LIN54: variants seen among roughly 807,000 people sequenced by gnomAD.
LIN54 encodes the protein lin-54 DREAM MuvB core complex component.
Under a neutral mutation model 78.7 loss-of-function variants are expected in LIN54, and 9 were observed. The observed-to-expected ratio is 0.11, with a 90% CI of 0.07 to 0.20. LIN54 has a LOEUF of 0.20. LIN54 is among the 10% of genes least tolerant of loss of function. The pLI is 1.00. For missense variants in LIN54, 573 were observed against 889.9 expected (o/e 0.64, Z 4.53); for synonymous variants, 269 against 318.4 (o/e 0.84, Z 1.65).
At chr4:82,991,142 C>A (rs1160016194) in intron 1 of LIN54, among the ~76,000 whole-genome samples, 6 of 116,472 alleles carry the variant, frequency 5.2e-5, no homozygotes, top group Non-Finnish European at 1.0e-4. Context: ...ACAGTGACAG[C>A]CTGTCTCTTA....
chr4:83,001,935 G>GA lies in LIN54; in HGVS notation c.-33+8548dup, dbSNP rs1293999637. Among the ~76,000 whole-genome samples the GA allele has an allele frequency of 0.02, 102 of 5,050 alleles. 30 individuals carry two copies. The East Asian group carries it at 0.21, about 10-fold the overall frequency. 3.3% of individuals were successfully genotyped at this position (5,050 alleles called of 152,430 possible). A position where few individuals can be genotyped will look rare whatever the true frequency, so the allele number is the denominator to read the frequency against. On this transcript the variant is annotated intron_variant, in intron 1 of 12. Transcript: ENST00000340417. Reference sequence around the variant, plus strand: ...GGAGGGAGGGAGGGAGGGAGGGAAGGAAGGAAGGAAGGAAGGAAGGAAGGA... The same window carrying GA: ...GGAGGGAGGGAGGGAGGGAGGGAAGGAAAGGAAGGAAGGAAGGAAGGAAGGA...
At chr4:82,994,130 T>A (rs1727985955) in intron 1 of LIN54, among the ~76,000 whole-genome samples, 1 of 152,138 alleles carries the variant, frequency 6.6e-6, no homozygotes, top group South Asian at 2.1e-4. Flanking sequence ...ATTCCATTAA[T>A]TTCAATACGT....
At chr4:83,005,052 GC>G (rs1157332711) in intron 1 of LIN54, among the ~76,000 whole-genome samples, 1 of 151,896 alleles carries the variant, frequency 6.6e-6, no homozygotes, top group African/African-American at 2.4e-5. Context: ...CCACCACCAT[GC>G]CCGGTTCATG....
intron 2 of LIN54, among the ~76,000 whole-genome samples, chr4:82,982,417 A>G (rs1244070646): frequency 3.3e-5 from 5 of 152,084 alleles, no homozygotes; most frequent in Non-Finnish European, 5.9e-5. Flanking sequence ...TTTGGTAGAA[A>G]CAGGGTTTCA....
At chr4:83,003,015 C>CT (rs923378335) in intron 1 of LIN54, among the ~76,000 whole-genome samples, 7 of 151,830 alleles carry the variant, frequency 4.6e-5, no homozygotes, top group East Asian at 1.9e-4. Flanking sequence ...TAGATTTAAG[C>CT]TTTTTTTTGT....
intron 11 of LIN54, 95 bp from the exon 12 acceptor site, chr4:82,931,240 C>A: frequency 2.4e-6 from 2 of 837,570 alleles, no homozygotes; most frequent in East Asian, 5.0e-5. Context: ...ATAGCATTAC[C>A]TGGTCAACTG....
chr4:82,940,910 G>GA (rs1722806780), intron 5 of LIN54, among the ~76,000 whole-genome samples: 1 of 152,026 alleles, frequency 6.6e-6, no homozygotes, highest in African/African-American at 2.4e-5. Flanking sequence ...GTTAATTCTT[G>GA]AAAATTGATC....
intron 5 of LIN54, among the ~76,000 whole-genome samples, chr4:82,945,564 G>A (rs569507651): frequency 1.7e-4 from 26 of 152,126 alleles, no homozygotes; most frequent in African/African-American, 6.0e-4. Flanking sequence ...CATGATCTCA[G>A]CTCACTGCAA....
intron 1 of LIN54, among the ~76,000 whole-genome samples, chr4:82,999,075 T>C (rs1728510780): frequency 6.6e-6 from 1 of 152,232 alleles, no homozygotes; most frequent in Non-Finnish European, 1.5e-5. Context: ...AGCTCAAGTG[T>C]TGCCACTAAT....
At chr4:82,961,257 A>G (rs1724768436) in intron 4 of LIN54, among the ~76,000 whole-genome samples, 1 of 152,248 alleles carries the variant, frequency 6.6e-6, no homozygotes, top group African/African-American at 2.4e-5. Context: ...TAATGCAACT[A>G]CAGCCCAATG....
chr4:82,946,266 A>G lies in LIN54; in HGVS notation c.1160T>C (p.Leu387Pro). Residue 387 changes from leucine to proline, a missense_variant, in exon 5 of 13, where the codon CTT becomes CCT. Around this residue, in one of 6 missense-constraint regions of LIN54, gnomAD observed 199 missense variants for 260.9 expected, o/e 0.76. Coordinates refer to ENST00000340417, the MANE Select transcript of LIN54 (RefSeq NM_194282.4). ...AAAAAATGGTTACTAACCTTGCTGAAGAGGCTGAGTGTTTGTACTGGGATT... is the reference window on the plus strand; with the variant it reads ...AAAAAATGGTTACTAACCTTGCTGAGGAGGCTGAGTGTTTGTACTGGGATT... ...SQNPSTNTQPLQQAKPVVVNT... is the reference protein window; with the variant it reads ...SQNPSTNTQPPQQAKPVVVNT... 1 of 1,612,546 alleles carries G rather than the reference A, an allele frequency of 6.2e-7. No individual in the cohort carries two copies. Among genetic ancestry groups the G allele is most frequent in the Non-Finnish European group, 8.5e-7 (1 of 1,178,514 alleles).
At chr4:82,986,506 C>T (rs916417923) in intron 1 of LIN54, among the ~76,000 whole-genome samples, 11 of 151,822 alleles carry the variant, frequency 7.2e-5, no homozygotes, top group African/African-American at 2.2e-4. Flanking sequence ...GAGATGGAGA[C>T]GATCCTGGCC....
chr4:82,961,550 TAGG>T (rs1426918233), intron 4 of LIN54, among the ~76,000 whole-genome samples: 1 of 152,110 alleles, frequency 6.6e-6, no homozygotes, highest in Non-Finnish European at 1.5e-5. Flanking sequence ...CTCCACTGGG[TAGG>T]AGAGCAAAAC....
intron 5 of LIN54, among the ~76,000 whole-genome samples, chr4:82,942,892 A>ACCCTCACCCT (rs1723052813): frequency 7.0e-6 from 1 of 142,374 alleles, no homozygotes; most frequent in East Asian, 2.1e-4. Flanking sequence ...ACACACACAC[A>ACCCTCACCCT]CCCTCCCTCC....
At position 82,946,340 on chromosome 4, in the gene LIN54, T is replaced by G. The variant is rs1336645654; in HGVS notation, c.1086A>C (p.Arg362=). 1.2e-6 allele frequency: 2 copies of G among 1,614,160 alleles called. No individual in the cohort carries two copies. Among genetic ancestry groups the G allele is most frequent in the Admixed American group, 1.7e-5 (1 of 60,022 alleles). ...TACTGGCTGATGTGGCAGTAACAAG[T>G]CGGACATAATGAAACTTGCTTCCAG... ...QVPGSKFHYV[R]LVTATSASSS... Residue 362 remains arginine (R), a synonymous_variant, in exon 5 of 13, where the codon CGA becomes CGC. Transcript: ENST00000340417.
At chr4:82,986,183 T>G (rs1461249458) in intron 1 of LIN54, among the ~76,000 whole-genome samples, 1 of 151,942 alleles carries the variant, frequency 6.6e-6, no homozygotes, top group African/African-American at 2.4e-5. Flanking sequence ...TGGCGCAATC[T>G]CGGCTCACCG....
At chr4:82,987,178 C>T (rs1342866897) in intron 1 of LIN54, among the ~76,000 whole-genome samples, 2 of 152,322 alleles carry the variant, frequency 1.3e-5, no homozygotes, top group East Asian at 3.9e-4. Context: ...GTAATTCCAG[C>T]TACTCAGAAG....
chr4:82,934,750 G>C (rs1722252132), intron 11 of LIN54, among the ~76,000 whole-genome samples: 1 of 152,026 alleles, frequency 6.6e-6, no homozygotes, highest in South Asian at 2.1e-4. Context: ...GAATAAGAAA[G>C]AATGAAAATA....
chr4:82,966,533 G>GA lies in LIN54; in HGVS notation c.951+3793dup, dbSNP rs540995511. On this transcript the variant is annotated intron_variant, in intron 4 of 12. Transcript: ENST00000340417. ...AGGGCTTTACATCTCAGTGAGGGGG[G>GA]AAAAAAAACCAACAAAAAAAAACAC... is the stretch of plus-strand genomic sequence containing the variant. 4.2e-4 allele frequency among the ~76,000 whole-genome samples: 63 copies of GA among 150,658 alleles called. 1 individual carries two copies. The South Asian group carries it at 0.012, about 29-fold the overall frequency.
Sources: gnomAD v4.1 joint callset for allele counts (sites outside exome capture counted in the v4.1 genomes callset) on GRCh38, gnomAD v4.1.1 for gene constraint, gnomAD v4.1.1 regional missense constraint, MANE v1.5 for transcripts, NCBI Gene and HGNC (gene_info 2026-07-23, HGNC 2026-07-21) for gene names.